GABBR2: variants seen among roughly 807,000 people sequenced by gnomAD.
GABBR2 encodes G-protein coupled receptor 51.
A neutral mutation model predicts 105.6 loss-of-function variants in GABBR2; 23 were observed. The observed-to-expected ratio is 0.22, with a 90% CI of 0.16 to 0.31. GABBR2 has a LOEUF of 0.31. GABBR2 is among the 10% of genes least tolerant of loss of function. The probability of loss-of-function intolerance (pLI) is 1.00; values close to 1 mark genes in which losing one functional copy is unlikely to be tolerated. For synonymous variants in GABBR2, 478 were observed against 499.7 expected (o/e 0.96, Z 0.58); for missense variants, 734 against 1,245.5 (o/e 0.59, Z 6.18).
chr9:98,373,002 T>G (rs1831812126), intron 11 of GABBR2, among the ~76,000 whole-genome samples: 1 of 151,572 alleles, frequency 6.6e-6, no homozygotes, highest in Non-Finnish European at 1.5e-5. Flanking sequence ...CAAGGAGAAA[T>G]CAGATGGGTA....
intron 18 of GABBR2, among the ~76,000 whole-genome samples, chr9:98,291,478 C>T (rs1344192929): frequency 1.3e-5 from 2 of 152,202 alleles, no homozygotes; most frequent in Admixed American, 6.5e-5. Context: ...TCCTCTCTCC[C>T]GTCTGCCTCT....
At chr9:98,398,465 A>G (rs1412816097) in intron 8 of GABBR2, among the ~76,000 whole-genome samples, 1 of 152,048 alleles carries the variant, frequency 6.6e-6, no homozygotes, top group Non-Finnish European at 1.5e-5. Context: ...AGGGGGCTGC[A>G]TGGGAGATCT....
At chr9:98,639,932 G>A (rs1829936796) in intron 1 of GABBR2, among the ~76,000 whole-genome samples, 1 of 152,126 alleles carries the variant, frequency 6.6e-6, no homozygotes. Context: ...AGACAGCATA[G>A]TGGCAACCAG....
intron 3 of GABBR2, among the ~76,000 whole-genome samples, chr9:98,499,975 C>A (rs1365212029): frequency 6.6e-6 from 1 of 152,206 alleles, no homozygotes; most frequent in Non-Finnish European, 1.5e-5. Context: ...ATCACTTGAA[C>A]CCCGGAGGCA....
intron 9 of GABBR2, among the ~76,000 whole-genome samples, chr9:98,392,986 C>A (rs972395470): frequency 2.6e-4 from 35 of 132,320 alleles, no homozygotes; most frequent in African/African-American, 9.7e-4. Context: ...ACCTATCCAT[C>A]TATCCATCCA....
intron 12 of GABBR2, among the ~76,000 whole-genome samples, chr9:98,366,725 A>G (rs775864227): frequency 1.1e-4 from 17 of 152,228 alleles, no homozygotes; most frequent in Non-Finnish European, 2.2e-4. Flanking sequence ...TAGATGGCAG[A>G]TGCTTCATGA....
chr9:98,505,652 G>C (rs953563192), intron 3 of GABBR2, among the ~76,000 whole-genome samples: 2 of 152,186 alleles, frequency 1.3e-5, no homozygotes, highest in Non-Finnish European at 2.9e-5. Context: ...CAATGTTAAG[G>C]ATTCTTATAA....
At chr9:98,444,337 G>C (rs1231597222) in intron 7 of GABBR2, among the ~76,000 whole-genome samples, 1 of 152,124 alleles carries the variant, frequency 6.6e-6, no homozygotes, top group Non-Finnish European at 1.5e-5. Context: ...ATTTAAAGTA[G>C]GGTGTCAGGT....
intron 1 of GABBR2, among the ~76,000 whole-genome samples, chr9:98,641,752 A>G (rs554399375): frequency 2.0e-5 from 3 of 152,256 alleles, no homozygotes; most frequent in South Asian, 2.1e-4. Flanking sequence ...GCTTCCCCCA[A>G]ACAAGACCGT....
chr9:98,429,125 T>G (rs1046956958), intron 7 of GABBR2, among the ~76,000 whole-genome samples: 1 of 145,528 alleles, frequency 6.9e-6, no homozygotes, highest in Non-Finnish European at 1.5e-5. Context: ...GTTTTTGGTG[T>G]GTGTGTGTGT....
chr9:98,511,998 G>A (rs1264562195), intron 3 of GABBR2, among the ~76,000 whole-genome samples: 1 of 152,172 alleles, frequency 6.6e-6, no homozygotes, highest in East Asian at 1.9e-4. Context: ...CATCGATGCA[G>A]AAATCCTCAA....
chr9:98,679,583 C>G (rs988325906), intron 1 of GABBR2, among the ~76,000 whole-genome samples: 2 of 152,228 alleles, frequency 1.3e-5, no homozygotes, highest in African/African-American at 4.8e-5. Context: ...TCAGGACACA[C>G]TATCCCCAAA....
chr9:98,314,757 T>G (rs932272030), intron 13 of GABBR2, among the ~76,000 whole-genome samples: 5 of 152,280 alleles, frequency 3.3e-5, no homozygotes, highest in African/African-American at 1.2e-4. Context: ...GGAGGGAAGA[T>G]CTACAGAGAG....
intron 10 of GABBR2, among the ~76,000 whole-genome samples, chr9:98,386,128 C>T (rs1832067914): frequency 6.6e-6 from 1 of 152,122 alleles, no homozygotes; most frequent in Admixed American, 6.5e-5. Flanking sequence ...GTCAAGTTCA[C>T]CTATTACTTC....
intron 4 of GABBR2, among the ~76,000 whole-genome samples, chr9:98,495,270 C>T (rs1018469188): frequency 1.3e-5 from 2 of 152,236 alleles, no homozygotes; most frequent in Non-Finnish European, 1.5e-5. Flanking sequence ...TTGGGCTCCC[C>T]ATCTGTGAAC....
intron 1 of GABBR2, among the ~76,000 whole-genome samples, chr9:98,633,312 C>T (rs1246022298): frequency 6.6e-6 from 1 of 152,054 alleles, no homozygotes; most frequent in Non-Finnish European, 1.5e-5. Flanking sequence ...AATGTCTTCT[C>T]CAAAAAACTA....
chr9:98,569,758 A>C (rs1828801158), intron 2 of GABBR2, among the ~76,000 whole-genome samples: 2 of 152,184 alleles, frequency 1.3e-5, no homozygotes, highest in South Asian at 4.1e-4. Context: ...ACTGGACCTA[A>C]TGCCTGCTAA....
chr9:98,595,805 G>A (rs144498964), intron 1 of GABBR2, among the ~76,000 whole-genome samples: 11 of 152,206 alleles, frequency 7.2e-5, no homozygotes, highest in Middle Eastern at 3.4e-3. Context: ...AATGAGTTGC[G>A]TGAGAGAAGG....
intron 3 of GABBR2, among the ~76,000 whole-genome samples, chr9:98,522,472 C>A (rs1242141370): frequency 6.6e-6 from 1 of 152,146 alleles, no homozygotes; most frequent in East Asian, 1.9e-4. Flanking sequence ...ATCCTACAAG[C>A]AACTGGTACA....
Sources: allele counts gnomAD v4.1 joint callset (sites outside exome capture counted in the v4.1 genomes callset), GRCh38; gene constraint gnomAD v4.1.1; transcripts MANE v1.5; gene names NCBI Gene and HGNC (gene_info 2026-07-23, HGNC 2026-07-21).